The following CSMD3 variants were observed in gnomAD, a reference collection of about 807,000 sequenced individuals.
CSMD3 encodes CUB and Sushi multiple domains 3, also known as CUB and sushi domain-containing protein 3.
A neutral mutation model predicts 435.2 loss-of-function variants in CSMD3; 177 were observed. The ratio of observed to expected loss-of-function variants is 0.41; its 90% CI spans 0.36 to 0.46. CSMD3 has a LOEUF of 0.46. Among genes scored for constraint, CSMD3 ranks in the 20% least tolerant of loss-of-function variants. The pLI is 0.34. For synonymous variants in CSMD3, 1,656 were observed against 1,520.5 expected (o/e 1.09, Z -2.07); for missense variants, 4,265 against 4,504.6 (o/e 0.95, Z 1.52).
intron 8 of CSMD3, among the ~76,000 whole-genome samples, chr8:112,952,366 C>CT (rs952700870): frequency 6.6e-6 from 1 of 151,670 alleles, no homozygotes; most frequent in Admixed American, 6.6e-5. Flanking sequence ...TAGAATTGAT[C>CT]TTTTTTTCAA....
chr8:112,742,140 A>G (rs757377673), intron 13 of CSMD3, among the ~76,000 whole-genome samples: 6 of 151,870 alleles, frequency 4.0e-5, no homozygotes, highest in Admixed American at 6.6e-5. Flanking sequence ...ATCTCTCACA[A>G]CAAACACACA....
At chr8:113,119,362 C>T (rs2090922613) in intron 4 of CSMD3, among the ~76,000 whole-genome samples, 2 of 152,164 alleles carry the variant, frequency 1.3e-5, no homozygotes, top group South Asian at 4.1e-4. Context: ...ATTACTTTTC[C>T]TATTTTATAG....
At chr8:112,323,721 G>T (rs542918538) in intron 45 of CSMD3, among the ~76,000 whole-genome samples, 1 of 152,014 alleles carries the variant, frequency 6.6e-6, no homozygotes, top group African/African-American at 2.4e-5. Context: ...CCTATAGTGT[G>T]TTCCTTACCT....
At chr8:112,321,081 T>C (rs1001725525) in intron 45 of CSMD3, among the ~76,000 whole-genome samples, 19 of 152,140 alleles carry the variant, frequency 1.2e-4, no homozygotes, top group South Asian at 4.1e-4. Flanking sequence ...TCTTTTTTTT[T>C]CCCTTAAAGT....
At chr8:113,329,595 T>C (rs565192974) in intron 1 of CSMD3, among the ~76,000 whole-genome samples, 37 of 152,198 alleles carry the variant, frequency 2.4e-4, no homozygotes, top group African/African-American at 8.9e-4. Context: ...GGGAAAAAAG[T>C]CGTCAAATAC....
chr8:112,685,256 G>A, intron 15 of CSMD3, 150 bp downstream of exon 15: 1 of 636,690 alleles, frequency 1.6e-6, no homozygotes, highest in Non-Finnish European at 2.7e-6. Flanking sequence ...TGGAAATGAA[G>A]GAAGAAATGA....
chr8:112,736,454 C>A (rs2077187457), intron 13 of CSMD3, among the ~76,000 whole-genome samples: 1 of 151,984 alleles, frequency 6.6e-6, no homozygotes, highest in South Asian at 2.1e-4. Flanking sequence ...CTTTAGGATA[C>A]CACATTCTCT....
intron 4 of CSMD3, among the ~76,000 whole-genome samples, chr8:113,102,729 A>AGTGTG (rs1482511068): frequency 1.3e-5 from 2 of 152,116 alleles, no homozygotes; most frequent in African/African-American, 4.8e-5. Flanking sequence ...TACCAAGGTA[A>AGTGTG]TGGGCCTGTG....
intron 1 of CSMD3, among the ~76,000 whole-genome samples, chr8:113,409,069 TC>T (rs1360657226): frequency 6.9e-6 from 1 of 144,424 alleles, no homozygotes; most frequent in Non-Finnish European, 1.5e-5. Context: ...TTTTTCTTCT[TC>T]TTCTTCTTCT....
intron 1 of CSMD3, among the ~76,000 whole-genome samples, chr8:113,424,292 T>C (rs903547788): frequency 2.0e-5 from 3 of 151,702 alleles, no homozygotes; most frequent in Non-Finnish European, 4.4e-5. Flanking sequence ...CCCCATTATG[T>C]CTTCATTTAT....
At chr8:113,240,674 A>G (rs1294054657) in intron 3 of CSMD3, among the ~76,000 whole-genome samples, 4 of 152,152 alleles carry the variant, frequency 2.6e-5, no homozygotes, top group Admixed American at 6.6e-5. Flanking sequence ...CCAAATTCCT[A>G]TATTTGAATA....
intron 36 of CSMD3, among the ~76,000 whole-genome samples, chr8:112,390,371 C>T (rs901835829): frequency 2.6e-5 from 4 of 152,058 alleles, no homozygotes; most frequent in East Asian, 1.9e-4. Flanking sequence ...ATGGAAATAA[C>T]GTGGGTGAGG....
At chr8:113,175,560 C>A (rs915397746) in intron 3 of CSMD3, among the ~76,000 whole-genome samples, 1 of 151,818 alleles carries the variant, frequency 6.6e-6, no homozygotes, top group Non-Finnish European at 1.5e-5. Context: ...TTCAGTAAAA[C>A]AATACAACTT....
chr8:113,026,034 C>A (rs1430133871), intron 5 of CSMD3, among the ~76,000 whole-genome samples: 1 of 152,134 alleles, frequency 6.6e-6, no homozygotes, highest in African/African-American at 2.4e-5. Context: ...TGCTATAGCA[C>A]CCTGGGTCAC....
rs2090392305 is a variant in CSMD3 at position 113,103,666 on chromosome 8, T to C, written c.710-4703A>G. 5.3e-5 allele frequency among the ~76,000 whole-genome samples: 8 copies of C among 152,026 alleles called. No individual in the cohort carries two copies. The South Asian group carries it at 1.7e-3, about 31-fold the overall frequency. ...AAAATGTTAGTAAACATCATTTTAA[T>C]TGTTTAAAATATTATAATATAAATC... On this transcript the variant is annotated intron_variant, in intron 4 of 70. Transcript: ENST00000297405.
chr8:113,253,902 CA>C (rs2093357383), intron 3 of CSMD3, among the ~76,000 whole-genome samples: 2 of 151,934 alleles, frequency 1.3e-5, no homozygotes, highest in Non-Finnish European at 2.9e-5. Flanking sequence ...GTTTATGTGC[CA>C]GTACTATATC....
chr8:113,089,876 T>A (rs2089942552), intron 5 of CSMD3, among the ~76,000 whole-genome samples: 1 of 151,682 alleles, frequency 6.6e-6, no homozygotes, highest in South Asian at 2.1e-4. Context: ...AAGCGAAAAA[T>A]AAAATAAAAT....
chr8:112,679,504 G>C (rs955819887), intron 16 of CSMD3, among the ~76,000 whole-genome samples: 1 of 152,086 alleles, frequency 6.6e-6, no homozygotes, highest in Non-Finnish European at 1.5e-5. Flanking sequence ...ACTTCATAAG[G>C]GTTCTCTTAG....
intron 12 of CSMD3, among the ~76,000 whole-genome samples, chr8:112,806,125 C>CA (rs1186232762): frequency 1.6e-4 from 9 of 56,406 alleles, no homozygotes. Context: ...CAGTGAATTT[C>CA]AGTTTTGTAA....
Sources: gnomAD v4.1 joint callset for allele counts (sites outside exome capture counted in the v4.1 genomes callset) on GRCh38, gnomAD v4.1.1 for gene constraint, MANE v1.5 for transcripts, NCBI Gene and HGNC (gene_info 2026-07-23, HGNC 2026-07-21) for gene names.